Variants in PCGF3 observed in about 807,000 individuals in gnomAD.
The protein encoded by PCGF3 is polycomb group ring finger 3.
In PCGF3, 7 loss-of-function variants were observed where a neutral mutation model predicts 33.1. The observed-to-expected ratio is 0.21, with a 90% CI of 0.12 to 0.40. PCGF3 has a LOEUF of 0.40. Among genes scored for constraint, PCGF3 ranks in the 10% least tolerant of loss-of-function variants. The probability of loss-of-function intolerance (pLI) is 1.00; values close to 1 mark genes in which losing one functional copy is unlikely to be tolerated. For missense variants in PCGF3, 211 were observed against 313.3 expected, an observed-to-expected ratio of 0.67 and a Z score of 2.46; for synonymous variants, 153 against 121.3, an observed-to-expected ratio of 1.26 and a Z score of -1.72.
At chr4:757,935 G>C (rs1744844131) in intron 8 of PCGF3, among the ~76,000 whole-genome samples, 1 of 152,062 alleles carries the variant, frequency 6.6e-6, no homozygotes, top group African/African-American at 2.4e-5. Context: ...TTGGGAAGCC[G>C]AGGTGGGCAG....
intron 6 of PCGF3, among the ~76,000 whole-genome samples, chr4:742,955 G>A (rs1744157683): frequency 6.6e-6 from 1 of 152,244 alleles, no homozygotes; most frequent in African/African-American, 2.4e-5. Flanking sequence ...TTCCTCAGTG[G>A]TGGCCTTGGG....
chr4:734,794 TGA>T lies in PCGF3; in HGVS notation c.110-133_110-132del, dbSNP rs535139385. 9,555 of 1,407,362 alleles carry T rather than the reference TGA, an allele frequency of 6.8e-3. 41 individuals are homozygous for T. Among genetic ancestry groups the T allele is most frequent in the Non-Finnish European group, 8.1e-3 (8,680 of 1,071,658 alleles). The allele number at this position is 1,407,362 out of a possible 1,614,324, so 87.2% of individuals were successfully genotyped here. A position where few individuals can be genotyped will look rare whatever the true frequency, so the allele number is the denominator to read the frequency against. On this transcript the variant is annotated intron_variant, in intron 4 of 10. Transcript: ENST00000362003. ...CGGCAAGATGTTTCCTTTCAGAAGCTGAGAGCCACAAGGAGGACAGCAGTGAG... is the reference window on the plus strand; with the variant it reads ...CGGCAAGATGTTTCCTTTCAGAAGCTGAGCCACAAGGAGGACAGCAGTGAG...
At position 721,526 on chromosome 4, in the gene PCGF3, C is replaced by T. The variant is rs954161625; in HGVS notation, c.-189-9104C>T. On this transcript the variant is annotated intron_variant, in intron 1 of 10. Coordinates refer to ENST00000362003, the Ensembl canonical transcript of PCGF3. The surrounding 1 kb of genome is among the most constrained non-coding windows in gnomAD (Gnocchi z 4.1). ...AGCGGAAGAGAGAGGGAGTCGGTGCCTTAGGAGGCTGCGGGCGAGGCGAGG... is the reference window on the plus strand; with the variant it reads ...AGCGGAAGAGAGAGGGAGTCGGTGCTTTAGGAGGCTGCGGGCGAGGCGAGG... Among the ~76,000 whole-genome samples, 2 of 151,958 alleles carry T rather than the reference C, an allele frequency of 1.3e-5. No homozygotes were observed. The highest frequency in any genetic ancestry group is 3.9e-4 in the East Asian group (2 of 5,158).
Position 733,792 on chromosome 4 carries a change from A to G in PCGF3, c.109+3A>G. On this transcript the variant is annotated splice_donor_region_variant and intron_variant, in intron 4 of 10. Coordinates refer to ENST00000362003, the Ensembl canonical transcript of PCGF3. ...GGTGACCGAGTGTCTGCACACCTGT[A>G]CGTGCCCTGCCCGCGCCACCCAGGG... 1 of 1,613,698 alleles carries G rather than the reference A, an allele frequency of 6.2e-7. No homozygotes were observed. The highest frequency in any genetic ancestry group is 1.1e-5 in the South Asian group (1 of 91,084).
rs567157241 is a variant in PCGF3 at position 749,439 on chromosome 4, C to G, written c.462+4751C>G. 1.7e-4 allele frequency among the ~76,000 whole-genome samples: 25 copies of G among 145,408 alleles called. No individual in the cohort carries two copies. The South Asian group carries it at 5.0e-3, about 29-fold the overall frequency. The stretch of plus-strand genomic sequence containing the variant: ...TCAGCCTCCCAAAGTTCTAGAATTA[C>G]AGGCATGAGCCACCATGCCCTGCTG... On this transcript the variant is annotated intron_variant, in intron 8 of 10. Transcript: ENST00000362003.
chr4:733,988 C>T, intron 4 of PCGF3, 199 bp downstream of exon 4: 1 of 1,551,230 alleles, frequency 6.4e-7, no homozygotes, highest in South Asian at 1.2e-5. Flanking sequence ...GGTGTCAGAG[C>T]AGATGAGGCC....
intron 6 of PCGF3, among the ~76,000 whole-genome samples, chr4:741,374 C>T (rs968288824): frequency 1.3e-5 from 2 of 152,226 alleles, no homozygotes; most frequent in African/African-American, 4.8e-5. Context: ...AGCTCAAGAG[C>T]AATGTCCAGA....
chr4:709,964 T>C (rs1292664441), intron 1 of PCGF3, among the ~76,000 whole-genome samples: 1 of 152,232 alleles, frequency 6.6e-6, no homozygotes, highest in African/African-American at 2.4e-5. Flanking sequence ...CTTTGTGAAA[T>C]TGTGGAAGAG....
exon 7 of PCGF3, chr4:743,525 C>G: frequency 6.2e-7 from 1 of 1,613,678 alleles, no homozygotes. Flanking sequence ...ATGGAGGTGC[C>G]GGGAGACATC....
intron 1 of PCGF3, chr4:724,089 C>T (rs1185098928): frequency 6.6e-6 from 1 of 152,386 alleles, no homozygotes; most frequent in African/African-American, 2.4e-5. Context: ...AGTTTGAGAA[C>T]TTCAGGGCCC....
intron 7 of PCGF3, chr4:743,787 C>T (rs1303536128): frequency 6.0e-6 from 3 of 498,388 alleles, no homozygotes; most frequent in Non-Finnish European, 7.2e-6. Flanking sequence ...GGGGAAAAGC[C>T]AGCAGGGGAG....
rs182294873 is a variant in PCGF3 at position 747,868 on chromosome 4, C to T, written c.462+3180C>T. Among the ~76,000 whole-genome samples the T allele has an allele frequency of 1.6e-4, 20 of 126,024 alleles. No homozygotes were observed. In the East Asian group the frequency reaches 4.8e-3, roughly 30 times the overall value. The allele number at this position is 126,024 out of a possible 152,430, so 82.7% of individuals were successfully genotyped here. On this transcript the variant is annotated intron_variant, in intron 8 of 10. Transcript: ENST00000362003. Reference sequence around the variant, plus strand: ...AGGGCTGCTGTTTTCTTCCTCCCGACTTCTTCCTTTTTCTTTTTTTTTTTA... The same window carrying T: ...AGGGCTGCTGTTTTCTTCCTCCCGATTTCTTCCTTTTTCTTTTTTTTTTTA...
At chr4:766,528 T>G (rs1381045647) in exon 11 of PCGF3, 1 of 153,472 alleles carries the variant, frequency 6.5e-6, no homozygotes, top group Non-Finnish European at 1.5e-5. Flanking sequence ...CTTTTCATGG[T>G]GAATGACAAT....
chr4:723,698 G>C (rs1743209414), intron 1 of PCGF3: 1 of 153,666 alleles, frequency 6.5e-6, no homozygotes, highest in African/African-American at 2.4e-5. Context: ...GAGGCTGCTG[G>C]CTGGATGGGG....
rs779198381 is a variant in PCGF3 at position 744,701 on chromosome 4, CGG to C, written c.462+17_462+18del. ...CAGCGACGAGCAGGTGGGCGGGGCC[CGG>C]GGGTCGCTGCAGTGTTAGTGTTCGC... On this transcript the variant is annotated intron_variant, in intron 8 of 10. Coordinates refer to ENST00000362003, the Ensembl canonical transcript of PCGF3. The C allele has an allele frequency of 6.7e-7, 1 of 1,502,710 alleles. No homozygotes were observed. The highest frequency in any genetic ancestry group is 1.2e-5 in the South Asian group (1 of 81,934). 93.1% of individuals were successfully genotyped at this position (1,502,710 alleles called of 1,614,324 possible).
intron 1 of PCGF3, among the ~76,000 whole-genome samples, chr4:718,476 A>G (rs1017983252): frequency 6.6e-6 from 1 of 152,192 alleles, no homozygotes; most frequent in African/African-American, 2.4e-5. Flanking sequence ...AAATATTTGT[A>G]TAAACACTTA....
chr4:743,898 C>A, intron 7 of PCGF3: 1 of 250,498 alleles, frequency 4.0e-6, no homozygotes, highest in Middle Eastern at 1.3e-3. Flanking sequence ...CTTCACTTGG[C>A]TTGCTTTACT....
chr4:762,043 G>A (rs1745090343), intron 9 of PCGF3: 1 of 985,270 alleles, frequency 1.0e-6, no homozygotes, highest in African/African-American at 1.7e-5. Flanking sequence ...GAGGCGGACT[G>A]TGGTGGGGGC....
intron 1 of PCGF3, among the ~76,000 whole-genome samples, chr4:729,120 A>C (rs1450492061): frequency 2.0e-5 from 3 of 149,264 alleles, no homozygotes; most frequent in Admixed American, 6.7e-5. Context: ...AAAAAAAAAA[A>C]AAAAAAAAAC....
Sources: gnomAD v4.1 joint callset for allele counts (sites outside exome capture counted in the v4.1 genomes callset) on GRCh38, gnomAD v4.1.1 for gene constraint, Gnocchi (gnomAD v3.1) non-coding constraint, MANE v1.5 for transcripts, NCBI Gene and HGNC (gene_info 2026-07-23, HGNC 2026-07-21) for gene names.